NPC1: variants seen among roughly 807,000 people sequenced by gnomAD.
NPC1 encodes NPC intracellular cholesterol transporter 1, also known as Niemann-Pick C1 protein.
NPC1 carries 85 observed loss-of-function variants against 140.4 expected under a neutral mutation model. That is an observed-to-expected ratio of 0.61 (90% CI 0.51 to 0.72). The LOEUF is 0.72. NPC1 is among the 30% of genes least tolerant of loss of function. The pLI is 0.00. For synonymous variants in NPC1, 656 were observed against 624.8 expected, an observed-to-expected ratio of 1.05 and a Z score of -0.74; for missense variants, 1,504 against 1,623.8, an observed-to-expected ratio of 0.93 and a Z score of 1.27.
downstream of NPC1, chr18:23,529,788 T>C (rs1028506224): frequency 3.7e-5 from 52 of 1,403,472 alleles, no homozygotes; most frequent in Non-Finnish European, 4.8e-5. Context: ...TCTTAGAAGA[T>C]GACTCATATG....
downstream of NPC1, chr18:23,519,239 T>C: frequency 5.7e-6 from 8 of 1,409,388 alleles, no homozygotes; most frequent in South Asian, 3.5e-5. Context: ...AATTGGTGGC[T>C]GGGCACGGTG....
At chr18:23,548,217 G>A in intron 10 of NPC1, 109 bp from the exon 11 acceptor site, 1 of 741,680 alleles carries the variant, frequency 1.3e-6, no homozygotes, top group South Asian at 1.4e-5. Flanking sequence ...GCTATGGACT[G>A]TATCTCTGGG....
chr18:23,533,691 T>C (rs1339182088), intron 23 of NPC1, 174 bp from the exon 24 acceptor site: 1 of 646,930 alleles, frequency 1.5e-6, no homozygotes, highest in South Asian at 1.8e-5. Flanking sequence ...GTGTTTTTAG[T>C]AGAGATGGGG....
chr18:23,519,218 A>C (rs1176882814), downstream of NPC1: 1 of 1,568,860 alleles, frequency 6.4e-7, no homozygotes, highest in Admixed American at 1.7e-5. Flanking sequence ...GTTGCTTAAA[A>C]GCCTTGTGAA....
In NPC1 at chr18:23,579,158, C is replaced by T. The variant is rs530473170; in HGVS notation, c.58-5584G>A. On this transcript the variant is annotated intron_variant, in intron 1 of 24. Transcript: ENST00000269228. ...TGAAGTAGGACCTGCCTGCCTCTGC[C>T]TTGGTCATGCCCTAGGATCAAGCAA... is the stretch of plus-strand genomic sequence containing the variant. Among the ~76,000 whole-genome samples, 43 of 152,340 alleles carry T rather than the reference C, an allele frequency of 2.8e-4. No homozygotes were observed. The South Asian group carries it at 8.7e-3, about 31-fold the overall frequency.
At chr18:23,508,479 T>G (rs1417431323) in intron 3 of NPC1, among the ~76,000 whole-genome samples, 17 of 152,228 alleles carry the variant, frequency 1.1e-4, no homozygotes. Context: ...TCTTTCTTTC[T>G]TCTCCTAGGT....
intron 3 of NPC1, among the ~76,000 whole-genome samples, chr18:23,507,687 T>C (rs1352246141): frequency 6.6e-6 from 1 of 152,178 alleles, no homozygotes; most frequent in East Asian, 1.9e-4. Context: ...AGCCTCTTAG[T>C]GCAGCAACAC....
chr18:23,575,423 T>C (rs538131843), intron 1 of NPC1, among the ~76,000 whole-genome samples: 2 of 152,126 alleles, frequency 1.3e-5, no homozygotes, highest in African/African-American at 2.4e-5. Context: ...AGTGTGCTTG[T>C]TGAGCTGGAT....
chr18:23,548,101 G>C lies in NPC1; in HGVS notation c.1662C>G (p.Asn554Lys), dbSNP rs778002425. 6.9e-6 allele frequency: 11 copies of C among 1,600,956 alleles called. No individual in the cohort carries two copies. The highest frequency in any genetic ancestry group is 8.6e-6 in the Non-Finnish European group (10 of 1,168,234). The part of the protein sequence containing the change: ...WLVLGGYDDQ[N>K]YNNATALVIT... Reference sequence around the variant, plus strand: ...TCACAAGGGCAGTGGCGTTATTGTAGTTTTGATCTAGAAAGGAAAAATGTG... The same window carrying C: ...TCACAAGGGCAGTGGCGTTATTGTACTTTTGATCTAGAAAGGAAAAATGTG... The change falls in exon 11 of 25, where the codon AAC (asparagine) becomes AAG (lysine). Residue 554 changes from asparagine (N) to lysine (K), a missense_variant. Transcript: ENST00000269228.
chr18:23,530,623 A>G, downstream of NPC1: 1 of 1,610,486 alleles, frequency 6.2e-7, no homozygotes, highest in Non-Finnish European at 8.5e-7. Context: ...GTGAGAATGC[A>G]ATGAAAAGAC....
rs1598939834 is a variant in NPC1, at chr18:23,536,885, A to G, written c.3042-9T>C. 6.2e-6 allele frequency: 10 copies of G among 1,612,096 alleles called. No individual in the cohort carries two copies. The highest frequency in any genetic ancestry group is 8.5e-6 in the Non-Finnish European group (10 of 1,178,700). On this transcript the variant is annotated splice_polypyrimidine_tract_variant and intron_variant, in intron 20 of 24. Coordinates refer to ENST00000269228, the MANE Select transcript of NPC1 (RefSeq NM_000271.5). ...TATAGGCAGCATGTCCCCTGAGGAA[A>G]GAATCCTGGGTGTCAAGAGAGTCCA...
chr18:23,521,752 T>C (rs1443524391), downstream of NPC1, among the ~76,000 whole-genome samples: 1 of 152,018 alleles, frequency 6.6e-6, no homozygotes, highest in African/African-American at 2.4e-5. Flanking sequence ...AGGCTAGAAG[T>C]TCAAGATCAA....
chr18:23,559,280 T>G (rs562650738), intron 6 of NPC1, among the ~76,000 whole-genome samples: 1 of 152,334 alleles, frequency 6.6e-6, no homozygotes, highest in Admixed American at 6.5e-5. Flanking sequence ...TAGTTCTAGA[T>G]GTACTATGAG....
intron 1 of NPC1, among the ~76,000 whole-genome samples, chr18:23,581,701 T>C (rs1189658451): frequency 1.3e-5 from 2 of 152,082 alleles, no homozygotes; most frequent in African/African-American, 4.8e-5. Flanking sequence ...ACCATAAAAT[T>C]CACCCTTTTC....
At position 23,586,241 on chromosome 18, in the gene NPC1, C is replaced by G. The variant is rs1207663807; in HGVS notation, c.57+46G>C. 6.6e-6 allele frequency: 10 copies of G among 1,525,300 alleles called. No individual in the cohort carries two copies. In the Admixed American group the frequency reaches 1.8e-4, roughly 27 times the overall value. The allele number at this position is 1,525,300 out of a possible 1,614,324, so 94.5% of individuals were successfully genotyped here. On this transcript the variant is annotated intron_variant, in intron 1 of 24. Transcript: ENST00000269228. Reference sequence around the variant, plus strand: ...CCCGTCGCCTTCCCCGGCTCTCGGCCCCGCCACGTCCCCACAGGGCGTCCC... The same window carrying G: ...CCCGTCGCCTTCCCCGGCTCTCGGCGCCGCCACGTCCCCACAGGGCGTCCC...
chr18:23,583,096 G>C (rs1050074713), intron 1 of NPC1, among the ~76,000 whole-genome samples: 6 of 94,078 alleles, frequency 6.4e-5, no homozygotes, highest in Non-Finnish European at 2.1e-5. Context: ...GACAGTGCAA[G>C]ACCCTGTTTC....
intron 18 of NPC1, 80 bp from the exon 19 acceptor site, chr18:23,539,550 C>A: frequency 9.8e-7 from 1 of 1,016,360 alleles, no homozygotes; most frequent in Non-Finnish European, 1.5e-6. Context: ...TAAAACCTAA[C>A]TTCCTTTTCT....
rs925604960 is a variant in NPC1, at chr18:23,586,419, G to A, written c.-76C>T. On this transcript the variant is annotated 5_prime_UTR_variant, in exon 1 of 25. Coordinates refer to ENST00000269228, the MANE Select transcript of NPC1 (RefSeq NM_000271.5). ...TCCCCGGAGGCGGCTCTACTTCCCC[G>A]GGCTGTTTCAGCACCCCGCGCAGGA... 7 of 1,525,450 alleles carry A rather than the reference G, an allele frequency of 4.6e-6. No homozygotes were observed. Among genetic ancestry groups the A allele is most frequent in the African/African-American group, 1.4e-5 (1 of 71,852 alleles). 94.5% of individuals were successfully genotyped at this position (1,525,450 alleles called of 1,614,324 possible).
At chr18:23,540,588 AC>A (rs1317335757) in intron 16 of NPC1, 51 bp from the exon 17 acceptor site, 3 of 1,275,226 alleles carry the variant, frequency 2.4e-6, no homozygotes, top group Non-Finnish European at 3.4e-6. Context: ...AAATAAGCTT[AC>A]GACCAGAAAT....
Sources: gnomAD v4.1 joint callset for allele counts (sites outside exome capture counted in the v4.1 genomes callset) on GRCh38, gnomAD v4.1.1 for gene constraint, MANE v1.5 for transcripts, NCBI Gene and HGNC (gene_info 2026-07-23, HGNC 2026-07-21) for gene names.